OLFM3: variants seen among roughly 807,000 people sequenced by gnomAD.
OLFM3 encodes the protein noelin-3.
In OLFM3, 20 loss-of-function variants were observed where a neutral mutation model predicts 48.6. The observed-to-expected ratio is 0.41, with a 90% CI of 0.29 to 0.60. The LOEUF is 0.60. Among genes scored for constraint, OLFM3 ranks in the 20% least tolerant of loss-of-function variants. The probability of loss-of-function intolerance (pLI) is 0.28; values close to 1 mark genes in which losing one functional copy is unlikely to be tolerated. For missense variants in OLFM3, 437 were observed against 544.3 expected, an observed-to-expected ratio of 0.80 and a Z score of 1.96; for synonymous variants, 222 against 198.1, an observed-to-expected ratio of 1.12 and a Z score of -1.01.
chr1:101,965,547 C>A (rs1056154996), intron 1 of OLFM3, among the ~76,000 whole-genome samples: 2 of 152,098 alleles, frequency 1.3e-5, no homozygotes, highest in African/African-American at 4.8e-5. Flanking sequence ...ACGTACAAGC[C>A]CAGATGTCCT....
intron 1 of OLFM3, among the ~76,000 whole-genome samples, chr1:101,904,170 A>G (rs568760976): frequency 2.6e-5 from 4 of 152,088 alleles, no homozygotes; most frequent in Non-Finnish European, 4.4e-5. Flanking sequence ...TGAATAGCCC[A>G]CAATAACGCA....
At chr1:101,871,037 A>G (rs1290098930) in intron 1 of OLFM3, among the ~76,000 whole-genome samples, 2 of 152,138 alleles carry the variant, frequency 1.3e-5, no homozygotes, top group Non-Finnish European at 2.9e-5. Flanking sequence ...TGTTGACTTT[A>G]TAACTCTTGT....
intron 1 of OLFM3, among the ~76,000 whole-genome samples, chr1:101,934,273 T>A (rs1199426006): frequency 6.6e-6 from 1 of 152,114 alleles, no homozygotes; most frequent in African/African-American, 2.4e-5. Flanking sequence ...GAGAAAAATC[T>A]ACAAAGCTAA....
chr1:101,923,209 A>G (rs1659156653), intron 1 of OLFM3, among the ~76,000 whole-genome samples: 1 of 152,216 alleles, frequency 6.6e-6, no homozygotes, highest in Non-Finnish European at 1.5e-5. Flanking sequence ...GCCCCAATGC[A>G]TGTAAATTTT....
intron 1 of OLFM3, among the ~76,000 whole-genome samples, chr1:101,884,513 C>A (rs1169455931): frequency 1.3e-5 from 2 of 151,494 alleles, no homozygotes; most frequent in African/African-American, 4.8e-5. Flanking sequence ...CAAAAAAAAA[C>A]AGACAAAAAA....
chr1:101,942,194 TAC>T (rs1314408701), intron 1 of OLFM3, among the ~76,000 whole-genome samples: 2 of 152,192 alleles, frequency 1.3e-5, no homozygotes, highest in African/African-American at 4.8e-5. Flanking sequence ...CCAGAATAGC[TAC>T]ATAGATATAC....
At chr1:101,903,434 T>C (rs1466264027) in intron 1 of OLFM3, among the ~76,000 whole-genome samples, 1 of 152,042 alleles carries the variant, frequency 6.6e-6, no homozygotes, top group Non-Finnish European at 1.5e-5. Context: ...AAAGATTTAA[T>C]ACCAAGGAAA....
rs543338339 is a variant in OLFM3, at chr1:101,938,033, T to G, written c.69+58715A>C. Among the ~76,000 whole-genome samples the G allele has an allele frequency of 3.3e-5, 5 of 152,344 alleles. No homozygotes were observed. In the South Asian group the frequency reaches 1.0e-3, roughly 32 times the overall value. On this transcript the variant is annotated intron_variant, in intron 1 of 5. Coordinates refer to ENST00000370103, the MANE Select transcript of OLFM3 (RefSeq NM_058170.4). ...ATTTAGCAATGGCTCAATAAATATT[T>G]ATTGCATGATGCTCTTCTTGCTTTC...
At chr1:101,864,231 A>C (rs1356089478) in intron 1 of OLFM3, among the ~76,000 whole-genome samples, 1 of 148,824 alleles carries the variant, frequency 6.7e-6, no homozygotes. Context: ...TATTTTATAC[A>C]AAAAATAACA....
chr1:101,870,980 C>T (rs191818012), intron 1 of OLFM3, among the ~76,000 whole-genome samples: 1 of 151,980 alleles, frequency 6.6e-6, no homozygotes, highest in East Asian at 1.9e-4. Context: ...AAGAAAAGAT[C>T]CTGTATTTCT....
intron 1 of OLFM3, among the ~76,000 whole-genome samples, chr1:101,930,700 A>G (rs995999096): frequency 2.0e-5 from 3 of 152,188 alleles, no homozygotes; most frequent in African/African-American, 4.8e-5. Context: ...TGTAGTCACT[A>G]CTACTCAAGG....
In OLFM3 at chr1:101,834,260, C is replaced by G. The variant is rs769017604; in HGVS notation, c.216+2619G>C. Among the ~76,000 whole-genome samples, 3 of 152,026 alleles carry G rather than the reference C, an allele frequency of 2.0e-5. No individual in the cohort carries two copies. The East Asian group carries it at 5.8e-4, about 29-fold the overall frequency. On this transcript the variant is annotated intron_variant, in intron 2 of 5. Transcript: ENST00000370103. ...TTGAGTGACAATGGAAAGTTTTCAA[C>G]CTAAAAACCACCAGTTTTCTTTTAC...
At chr1:101,964,702 T>C (rs1237430941) in intron 1 of OLFM3, among the ~76,000 whole-genome samples, 1 of 152,212 alleles carries the variant, frequency 6.6e-6, no homozygotes, top group Admixed American at 6.5e-5. Flanking sequence ...TGTTCTTCAC[T>C]CCTTGCAAGT....
intron 4 of OLFM3, chr1:101,812,555 C>T (rs1654118448): frequency 1.0e-6 from 1 of 985,292 alleles, no homozygotes; most frequent in Non-Finnish European, 1.2e-6. Context: ...GTCCTTGGAG[C>T]TCTGAATCAT....
intron 1 of OLFM3, among the ~76,000 whole-genome samples, chr1:101,937,483 G>A (rs1237748622): frequency 1.3e-5 from 2 of 152,052 alleles, no homozygotes; most frequent in African/African-American, 2.4e-5. Context: ...CATGGCGGCC[G>A]GTCTTTCTCG....
intron 1 of OLFM3, among the ~76,000 whole-genome samples, chr1:101,969,483 A>G (rs1328557551): frequency 6.6e-6 from 1 of 151,994 alleles, no homozygotes; most frequent in Non-Finnish European, 1.5e-5. Flanking sequence ...TCTTTTTATT[A>G]TCGTAAAGAG....
At chr1:101,810,874 G>A (rs1230250120) in intron 4 of OLFM3, among the ~76,000 whole-genome samples, 2 of 151,438 alleles carry the variant, frequency 1.3e-5, no homozygotes, top group Non-Finnish European at 2.9e-5. Flanking sequence ...AATTTACAGT[G>A]GTTAGTAAAT....
intron 4 of OLFM3, among the ~76,000 whole-genome samples, chr1:101,809,941 A>G (rs1321316647): frequency 6.6e-6 from 1 of 151,946 alleles, no homozygotes; most frequent in East Asian, 1.9e-4. Context: ...CAGCCCATAA[A>G]CTAATTACAT....
chr1:101,811,978 C>G (rs1000650427), intron 4 of OLFM3, among the ~76,000 whole-genome samples: 1 of 152,160 alleles, frequency 6.6e-6, no homozygotes, highest in Non-Finnish European at 1.5e-5. Flanking sequence ...AAATGTGGCA[C>G]ATATACACCA....
Sources: gnomAD v4.1 joint callset for allele counts (sites outside exome capture counted in the v4.1 genomes callset) on GRCh38, gnomAD v4.1.1 for gene constraint, MANE v1.5 for transcripts, NCBI Gene and HGNC (gene_info 2026-07-23, HGNC 2026-07-21) for gene names.